The following ABCA13 variants were observed in gnomAD, a reference collection of about 807,000 sequenced individuals.
ABCA13 encodes ATP binding cassette subfamily A member 13.
ABCA13 carries 476 observed loss-of-function variants against 478.7 expected under a neutral mutation model. The observed-to-expected ratio is 0.99, with a 90% CI of 0.92 to 1.07. The LOEUF (loss-of-function observed/expected upper bound fraction) is 1.07. Among genes scored for constraint, ABCA13 ranks in the 50% least tolerant of loss-of-function variants. ABCA13 has a pLI of 0.00. For synonymous variants in ABCA13, 2,252 were observed against 2,158.9 expected (o/e 1.04, Z -1.20); for missense variants, 6,060 against 5,910.6 (o/e 1.03, Z -0.83).
At chr7:48,434,741 CCCCACATCAGTTATGGAAATG>C (rs1822599816) in intron 42 of ABCA13, among the ~76,000 whole-genome samples, 1 of 151,864 alleles carries the variant, frequency 6.6e-6, no homozygotes, top group Non-Finnish European at 1.5e-5. Context: ...ATCCAGTATT[CCCCACATCAGTTATGGAAATG>C]ACTTTTTCTC....
At chr7:48,215,605 C>T (rs561475172) in intron 3 of ABCA13, among the ~76,000 whole-genome samples, 34 of 152,056 alleles carry the variant, frequency 2.2e-4, no homozygotes, top group South Asian at 2.1e-3. Context: ...CACAATAAAG[C>T]GAAGCATAAT....
intron 42 of ABCA13, among the ~76,000 whole-genome samples, chr7:48,450,389 G>T (rs1824841591): frequency 6.6e-6 from 1 of 152,124 alleles, no homozygotes; most frequent in Non-Finnish European, 1.5e-5. Flanking sequence ...AAATTGTGAA[G>T]AAGAATAAAA....
In ABCA13 at chr7:48,278,598, C is replaced by T; in HGVS notation, c.7404C>T (p.Asn2468=). The T allele has an allele frequency of 1.2e-6, 2 of 1,613,844 alleles. No individual in the cohort carries two copies. The highest frequency in any genetic ancestry group is 1.7e-6 in the Non-Finnish European group (2 of 1,179,798). Reference sequence around the variant, plus strand: ...TAAATAATTCATTCCCTCTAAGAAACAGAGCAACATTAGAAATTACTAAGA... The same window carrying T: ...TAAATAATTCATTCCCTCTAAGAAATAGAGCAACATTAGAAATTACTAAGA... ...FFINNSFPLR[N]RATLEITKRL... The change falls in exon 18 of 62, where the codon AAC becomes AAT. Residue 2468 remains asparagine, a synonymous_variant. Transcript: ENST00000435803.
chr7:48,614,219 G>A (rs1792317226), intron 58 of ABCA13, among the ~76,000 whole-genome samples: 1 of 150,554 alleles, frequency 6.6e-6, no homozygotes, highest in African/African-American at 2.4e-5. Flanking sequence ...AGGCTTCCTT[G>A]TTTCTTTTCA....
At position 48,273,033 on chromosome 7, in the gene ABCA13, C is replaced by G. The variant is rs375494251; in HGVS notation, c.3367C>G (p.Pro1123Ala). The G allele has an allele frequency of 3.7e-6, 6 of 1,613,462 alleles. No homozygotes were observed. The African/African-American group carries it at 8.0e-5, about 22-fold the overall frequency. ...AAGTGAGGAGTCTTCATTTGTTTTTCCATTGGCACAAATTTTTTCAAACCT... is the reference window on the plus strand; with the variant it reads ...AAGTGAGGAGTCTTCATTTGTTTTTGCATTGGCACAAATTTTTTCAAACCT... ...STSEESSFVF[P>A]LAQIFSNLSA... is the part of the protein sequence containing the mutation. The change falls in exon 17 of 62, where the codon CCA (proline) becomes GCA (alanine). Residue 1123 changes from proline to alanine, a missense_variant. Physicochemically the swap from Pro to Ala is conservative, Grantham distance 27. Around this residue, in one of 3 missense-constraint regions of ABCA13, gnomAD observed 4,423 missense variants for 4,309.1 expected, o/e 1.03. Transcript: ENST00000435803.
At chr7:48,294,370 T>C (rs1257250340) in intron 20 of ABCA13, among the ~76,000 whole-genome samples, 1 of 151,876 alleles carries the variant, frequency 6.6e-6, no homozygotes, top group Non-Finnish European at 1.5e-5. Flanking sequence ...ACCAACATCT[T>C]CATTCCTCCC....
Position 48,389,185 on chromosome 7 carries a change from G to C in ABCA13, c.11619G>C (p.Leu3873=), listed in dbSNP as rs370720475. 3 of 1,613,808 alleles carry C rather than the reference G, an allele frequency of 1.9e-6. No individual in the cohort carries two copies. The highest frequency in any genetic ancestry group is 2.5e-6 in the Non-Finnish European group (3 of 1,179,802). Residue 3873 remains leucine (L), a synonymous_variant, in exon 37 of 62, where the codon CTG becomes CTC. Coordinates refer to ENST00000435803, the MANE Select transcript of ABCA13 (RefSeq NM_152701.5). ...TCTACAGAGACCAAATCACCGCCCTGCTGGGGACAAACGGTGCCGGGAAAA... is the reference window on the plus strand; with the variant it reads ...TCTACAGAGACCAAATCACCGCCCTCCTGGGGACAAACGGTGCCGGGAAAA... ...LTFYRDQITA[L]LGTNGAGKTT...
intron 59 of ABCA13, among the ~76,000 whole-genome samples, chr7:48,634,788 A>G (rs1794489531): frequency 6.6e-6 from 1 of 152,162 alleles, no homozygotes; most frequent in Non-Finnish European, 1.5e-5. Flanking sequence ...TTCTCCAAGC[A>G]CTGCTTTAGC....
At chr7:48,436,339 CT>C (rs1242856201) in intron 42 of ABCA13, among the ~76,000 whole-genome samples, 1 of 151,528 alleles carries the variant, frequency 6.6e-6, no homozygotes, top group African/African-American at 2.4e-5. Flanking sequence ...TTGTTATAAT[CT>C]TTTTGTTTCC....
intron 61 of ABCA13, 106 bp downstream of exon 61, chr7:48,644,860 C>T: frequency 1.7e-6 from 2 of 1,179,700 alleles, no homozygotes; most frequent in Non-Finnish European, 2.3e-6. Flanking sequence ...CCACTTTATT[C>T]AATTCATCTT....
chr7:48,288,985 T>G (rs1207368620), intron 20 of ABCA13, among the ~76,000 whole-genome samples: 2 of 152,158 alleles, frequency 1.3e-5, no homozygotes, highest in Non-Finnish European at 2.9e-5. Context: ...TGGTTCTGAA[T>G]GTTGTTTCTT....
Position 48,244,610 on chromosome 7 carries a change from C to G in ABCA13, c.1297C>G (p.Gln433Glu). 4.3e-6 allele frequency: 7 copies of G among 1,613,566 alleles called. No homozygotes were observed. Among genetic ancestry groups the G allele is most frequent in the South Asian group, 1.1e-5 (1 of 91,054 alleles). Residue 433 changes from glutamine to glutamate, a missense_variant, in exon 11 of 62, where the codon CAA becomes GAA. Transcript: ENST00000435803. ...QHLWKLQSLL[Q>E]NLPQWPALKR... ...TCTGTGGAAATTGCAAAGCTTGCTG[C>G]AAAACCTGCCCCAGTGGCCGGCACT...
At chr7:48,340,573 A>G (rs1006821753) in intron 29 of ABCA13, among the ~76,000 whole-genome samples, 1 of 152,184 alleles carries the variant, frequency 6.6e-6, no homozygotes, top group Non-Finnish European at 1.5e-5. Context: ...AGGTGAATTT[A>G]TATGTACTCA....
intron 3 of ABCA13, among the ~76,000 whole-genome samples, chr7:48,218,834 G>A (rs1438704885): frequency 6.6e-6 from 1 of 152,196 alleles, no homozygotes; most frequent in Non-Finnish European, 1.5e-5. Flanking sequence ...GAGATTTACT[G>A]TAACTCTTTG....
chr7:48,493,174 A>G (rs1563346746), intron 48 of ABCA13, among the ~76,000 whole-genome samples: 1 of 152,108 alleles, frequency 6.6e-6, no homozygotes, highest in African/African-American at 2.4e-5. Context: ...TATACTACTG[A>G]TGTTTGTGTT....
At chr7:48,471,659 T>A in intron 45 of ABCA13, 60 bp downstream of exon 45, 2 of 1,420,916 alleles carry the variant, frequency 1.4e-6, no homozygotes, top group South Asian at 2.7e-5. Context: ...CAAAAATGAG[T>A]TTACCCTATC....
intron 53 of ABCA13, among the ~76,000 whole-genome samples, chr7:48,523,093 TG>T (rs2130993948): frequency 6.6e-6 from 1 of 152,336 alleles, no homozygotes; most frequent in East Asian, 1.9e-4. Flanking sequence ...ACACTTCAGA[TG>T]GCCTCTCATA....
chr7:48,485,655 C>A (rs948516250), intron 47 of ABCA13, among the ~76,000 whole-genome samples: 1 of 152,196 alleles, frequency 6.6e-6, no homozygotes, highest in Non-Finnish European at 1.5e-5. Context: ...GCAAGTCAAT[C>A]ATTTATTGCC....
At chr7:48,543,361 C>T (rs34252471) in intron 55 of ABCA13, among the ~76,000 whole-genome samples, 20,318 of 151,606 alleles carry the variant, frequency 0.13, 1,873 homozygotes, top group African/African-American at 0.21. Context: ...CGGTGGCTCA[C>T]GCCTGTAATC....
Sources: gnomAD v4.1 joint callset for allele counts (sites outside exome capture counted in the v4.1 genomes callset) on GRCh38, gnomAD v4.1.1 for gene constraint, gnomAD v4.1.1 regional missense constraint, MANE v1.5 for transcripts, NCBI Gene and HGNC (gene_info 2026-07-23, HGNC 2026-07-21) for gene names.